ADAMTSL3: variants seen among roughly 807,000 people sequenced by gnomAD.
ADAMTSL3 encodes ADAMTS-like protein 3.
In ADAMTSL3, 128 loss-of-function variants were observed where a neutral mutation model predicts 201.7. That is an observed-to-expected ratio of 0.63 (90% CI 0.55 to 0.73). The LOEUF (loss-of-function observed/expected upper bound fraction) is 0.73. Among genes scored for constraint, ADAMTSL3 ranks in the 30% least tolerant of loss-of-function variants. The pLI, the probability that ADAMTSL3 is intolerant of heterozygous loss-of-function variation, is 0.00. For synonymous variants in ADAMTSL3, 738 were observed against 748.4 expected (o/e 0.99, Z 0.23); for missense variants, 1,990 against 2,119.6 (o/e 0.94, Z 1.20).
chr15:84,024,937 T>C (rs2068275425), intron 26 of ADAMTSL3, among the ~76,000 whole-genome samples: 1 of 152,200 alleles, frequency 6.6e-6, no homozygotes, highest in Admixed American at 6.5e-5. Flanking sequence ...GGAAATTTCC[T>C]CCTAAATTTG....
intron 19 of ADAMTSL3, among the ~76,000 whole-genome samples, chr15:83,956,287 G>A (rs2142078746): frequency 6.6e-6 from 1 of 152,288 alleles, no homozygotes; most frequent in Middle Eastern, 3.4e-3. Flanking sequence ...CCACTGCCAG[G>A]GAATGGGGAA....
chr15:83,874,193 A>T (rs56100529), intron 9 of ADAMTSL3, among the ~76,000 whole-genome samples: 36,132 of 143,856 alleles, frequency 0.25, 8,173 homozygotes, highest in Non-Finnish European at 0.32. Context: ...GAGCCATGAA[A>T]TTCATGATGG....
At chr15:83,774,369 A>G (rs2141756516) in intron 4 of ADAMTSL3, among the ~76,000 whole-genome samples, 1 of 152,380 alleles carries the variant, frequency 6.6e-6, no homozygotes, top group South Asian at 2.1e-4. Flanking sequence ...GCTTCAAGAT[A>G]CAGAGTAGAA....
chr15:83,843,893 G>C (rs777862747), intron 7 of ADAMTSL3, among the ~76,000 whole-genome samples: 10 of 152,234 alleles, frequency 6.6e-5, no homozygotes, highest in Admixed American at 5.2e-4. Context: ...TGTTCAGAGG[G>C]AGGAGGAGAG....
intron 3 of ADAMTSL3, among the ~76,000 whole-genome samples, chr15:83,707,295 A>C (rs1050090696): frequency 1.3e-5 from 2 of 152,222 alleles, no homozygotes; most frequent in Non-Finnish European, 2.9e-5. Flanking sequence ...GGCCTGGTAC[A>C]TATAAGCATT....
intron 2 of ADAMTSL3, among the ~76,000 whole-genome samples, chr15:83,664,613 C>T (rs1172684009): frequency 6.6e-6 from 1 of 152,198 alleles, no homozygotes; most frequent in African/African-American, 2.4e-5. Flanking sequence ...ATGTTTCCTC[C>T]TCTCAGTTTC....
intron 9 of ADAMTSL3, among the ~76,000 whole-genome samples, chr15:83,882,024 C>T (rs374656252): frequency 3.3e-5 from 5 of 151,434 alleles, no homozygotes; most frequent in Admixed American, 6.6e-5. Context: ...GGCATGGTGG[C>T]GGGCACCTGT....
At chr15:84,000,995 A>G (rs2067782471) in intron 23 of ADAMTSL3, among the ~76,000 whole-genome samples, 1 of 152,228 alleles carries the variant, frequency 6.6e-6, no homozygotes, top group African/African-American at 2.4e-5. Flanking sequence ...GGTGTGAACC[A>G]ATCTGTATTT....
At chr15:83,840,767 T>C (rs942796643) in intron 7 of ADAMTSL3, among the ~76,000 whole-genome samples, 1 of 152,228 alleles carries the variant, frequency 6.6e-6, no homozygotes, top group Admixed American at 6.5e-5. Flanking sequence ...GGTATACCAA[T>C]GAGGAATGTA....
At chr15:83,700,101 A>G (rs1387711886) in intron 2 of ADAMTSL3, among the ~76,000 whole-genome samples, 1 of 152,238 alleles carries the variant, frequency 6.6e-6, no homozygotes, top group Non-Finnish European at 1.5e-5. Context: ...TTAGGTGCTC[A>G]ATAAATATGT....
intron 4 of ADAMTSL3, among the ~76,000 whole-genome samples, chr15:83,794,892 G>A (rs544301157): frequency 6.6e-6 from 1 of 152,182 alleles, no homozygotes; most frequent in East Asian, 1.9e-4. Flanking sequence ...TCACTCCGTT[G>A]TCCAGGCTTG....
intron 4 of ADAMTSL3, among the ~76,000 whole-genome samples, chr15:83,782,469 T>G (rs2063187194): frequency 6.6e-6 from 1 of 151,946 alleles, no homozygotes; most frequent in Admixed American, 6.6e-5. Flanking sequence ...AGAGTGAGAC[T>G]CCTCCTCCTC....
intron 3 of ADAMTSL3, 114 bp downstream of exon 3, chr15:83,704,622 A>C: frequency 2.1e-6 from 3 of 1,395,428 alleles, no homozygotes; most frequent in Non-Finnish European, 2.9e-6. Context: ...ATACAAGTAC[A>C]ACAGACCCTT....
At chr15:83,924,956 C>T (rs1357260134) in intron 17 of ADAMTSL3, among the ~76,000 whole-genome samples, 1 of 152,180 alleles carries the variant, frequency 6.6e-6, no homozygotes, top group African/African-American at 2.4e-5. Flanking sequence ...TTAGGACTCT[C>T]AGTGATTGAG....
At chr15:83,843,403 G>A (rs1305776759) in intron 7 of ADAMTSL3, among the ~76,000 whole-genome samples, 1 of 152,164 alleles carries the variant, frequency 6.6e-6, no homozygotes, top group Non-Finnish European at 1.5e-5. Flanking sequence ...AAGGCTAAAG[G>A]TAGCAAAGAT....
At chr15:83,738,339 G>A (rs1390309249) in intron 3 of ADAMTSL3, among the ~76,000 whole-genome samples, 4 of 152,110 alleles carry the variant, frequency 2.6e-5, no homozygotes, top group Non-Finnish European at 4.4e-5. Context: ...TAATTCTTGG[G>A]TCTCCTTTTA....
At chr15:84,018,228 G>A (rs1275756788) in intron 25 of ADAMTSL3, among the ~76,000 whole-genome samples, 2 of 152,166 alleles carry the variant, frequency 1.3e-5, no homozygotes, top group Non-Finnish European at 2.9e-5. Context: ...ACAAACACAT[G>A]CCCAAATATA....
At chr15:83,781,661 C>T (rs1412980138) in intron 4 of ADAMTSL3, among the ~76,000 whole-genome samples, 1 of 151,986 alleles carries the variant, frequency 6.6e-6, no homozygotes, top group East Asian at 1.9e-4. Flanking sequence ...ATAGAGTGAA[C>T]AGACAGCCTA....
intron 10 of ADAMTSL3, among the ~76,000 whole-genome samples, chr15:83,889,839 G>GGCCAC (rs2065468445): frequency 6.6e-6 from 1 of 152,168 alleles, no homozygotes; most frequent in African/African-American, 2.4e-5. Context: ...ACGCATTTTA[G>GGCCAC]TCATCTGAGA....
Sources: allele counts gnomAD v4.1 joint callset (sites outside exome capture counted in the v4.1 genomes callset), GRCh38; gene constraint gnomAD v4.1.1; transcripts MANE v1.5; gene names NCBI Gene and HGNC (gene_info 2026-07-23, HGNC 2026-07-21).